GOLPH3L: variants seen among roughly 807,000 people sequenced by gnomAD.
The protein encoded by GOLPH3L is golgi phosphoprotein 3 like, also known as Golgi phosphoprotein 3-like.
Under a neutral mutation model 30.3 loss-of-function variants are expected in GOLPH3L, and 22 were observed. That is an observed-to-expected ratio of 0.73 (90% CI 0.52 to 1.04). GOLPH3L has a LOEUF of 1.04. GOLPH3L is among the 50% of genes least tolerant of loss of function. The pLI, the probability that GOLPH3L is intolerant of heterozygous loss-of-function variation, is 0.00. For synonymous variants in GOLPH3L, 120 were observed against 128.2 expected, an observed-to-expected ratio of 0.94 and a Z score of 0.43; for missense variants, 303 against 345.8, an observed-to-expected ratio of 0.88 and a Z score of 0.98.
intron 4 of GOLPH3L, among the ~76,000 whole-genome samples, chr1:150,655,742 G>A (rs1289804564): frequency 6.6e-6 from 1 of 152,166 alleles, no homozygotes; most frequent in Non-Finnish European, 1.5e-5. Flanking sequence ...TTTCCTCTTG[G>A]AATTCTCCAG....
chr1:150,667,626 C>G (rs1650539050), intron 2 of GOLPH3L, among the ~76,000 whole-genome samples: 1 of 145,202 alleles, frequency 6.9e-6, no homozygotes, highest in African/African-American at 2.6e-5. Flanking sequence ...CGGAGTCTCT[C>G]TCTGTCACCC....
intron 2 of GOLPH3L, among the ~76,000 whole-genome samples, chr1:150,675,261 GA>G (rs1010591901): frequency 8.6e-5 from 13 of 151,492 alleles, no homozygotes; most frequent in African/African-American, 2.7e-4. Context: ...GGTAAGTGTA[GA>G]TTTTTTTTTT....
intron 1 of GOLPH3L, among the ~76,000 whole-genome samples, chr1:150,695,944 T>C (rs1280820126): frequency 1.3e-5 from 2 of 152,180 alleles, no homozygotes; most frequent in African/African-American, 4.8e-5. Flanking sequence ...TTCTATGTAC[T>C]ACGGTCAAAA....
intron 4 of GOLPH3L, among the ~76,000 whole-genome samples, chr1:150,656,826 G>A (rs958097395): frequency 6.6e-6 from 1 of 152,072 alleles, no homozygotes; most frequent in African/African-American, 2.4e-5. Context: ...GGGTATTCTC[G>A]ATAATCATTT....
chr1:150,673,707 C>T (rs929464496), intron 2 of GOLPH3L, among the ~76,000 whole-genome samples: 1 of 151,816 alleles, frequency 6.6e-6, no homozygotes, highest in Non-Finnish European at 1.5e-5. Context: ...GGTGGGAGTA[C>T]TGCCTGAGCT....
chr1:150,655,821 A>C (rs896468227), intron 4 of GOLPH3L, among the ~76,000 whole-genome samples: 1 of 152,226 alleles, frequency 6.6e-6, no homozygotes, highest in Admixed American at 6.5e-5. Flanking sequence ...CAATTCAGTT[A>C]TACAACCTAT....
intron 1 of GOLPH3L, among the ~76,000 whole-genome samples, chr1:150,696,162 G>A (rs1415146): frequency 0.97 from 148,093 of 152,270 alleles, 72,129 homozygotes; most frequent in East Asian, 1. Context: ...ATTTCCCATT[G>A]CTCCTAATAA....
intron 2 of GOLPH3L, among the ~76,000 whole-genome samples, chr1:150,685,052 A>T (rs1264421422): frequency 6.6e-6 from 1 of 152,210 alleles, no homozygotes; most frequent in East Asian, 1.9e-4. Context: ...CAAACTTCTT[A>T]CTTGGACTTG....
At chr1:150,652,422 A>T (rs1571032616) in intron 4 of GOLPH3L, among the ~76,000 whole-genome samples, 1 of 150,480 alleles carries the variant, frequency 6.6e-6, no homozygotes, top group South Asian at 2.1e-4. Flanking sequence ...TAAAAAAAAC[A>T]AAACAAAAAT....
chr1:150,694,723 C>T lies in GOLPH3L; in HGVS notation c.116G>A (p.Gly39Glu), dbSNP rs187929207. The T allele has an allele frequency of 1.2e-4, 191 of 1,611,148 alleles. 1 individual carries two copies. The Admixed American group carries it at 2.6e-3, about 22-fold the overall frequency. ...WEKSPDNEDS[G>E]DSKDIRLTLM... Reference sequence around the variant, plus strand: ...AGTAAGGCGGATATCCTTAGAGTCTCCAGAATCTTCATTGTCTGGACTTTT... The same window carrying T: ...AGTAAGGCGGATATCCTTAGAGTCTTCAGAATCTTCATTGTCTGGACTTTT... The change falls in exon 2 of 5, where the codon GGA becomes GAA. Residue 39 changes from glycine (G) to glutamate (E), a missense_variant. By Grantham distance (98) the Gly-to-Glu change is moderately conservative. Transcript: ENST00000271732.
intron 2 of GOLPH3L, among the ~76,000 whole-genome samples, chr1:150,665,491 TATA>T (rs1650479049): frequency 6.6e-6 from 1 of 152,278 alleles, no homozygotes; most frequent in African/African-American, 2.4e-5. Flanking sequence ...TGCACCTAGC[TATA>T]ATAACTATTT....
intron 2 of GOLPH3L, among the ~76,000 whole-genome samples, chr1:150,682,464 TA>T (rs1158037739): frequency 1.3e-5 from 2 of 151,510 alleles, no homozygotes; most frequent in African/African-American, 4.9e-5. Context: ...CCCAGCTCTA[TA>T]AAAATTACAA....
rs1445887495 is a variant in GOLPH3L, at chr1:150,648,639, G to A, written c.540C>T (p.Phe180=). Residue 180 remains phenylalanine, a synonymous_variant, in exon 5 of 5, where the codon TTC becomes TTT. Coordinates refer to ENST00000271732, the MANE Select transcript of GOLPH3L (RefSeq NM_018178.6). ...KGILTTEKQN[F]LLFDMTTHPV... ...GATGAGTAGTCATGTCAAATAGCAG[G>A]AAATTCTGCTTCTCAGTGGTTAGAA... is the stretch of plus-strand genomic sequence containing the variant. 3.1e-6 allele frequency: 5 copies of A among 1,612,916 alleles called. No individual in the cohort carries two copies. Among genetic ancestry groups the A allele is most frequent in the Non-Finnish European group, 4.2e-6 (5 of 1,179,096 alleles).
At chr1:150,687,782 A>G (rs1487531083) in intron 2 of GOLPH3L, among the ~76,000 whole-genome samples, 4 of 152,184 alleles carry the variant, frequency 2.6e-5, no homozygotes, top group Non-Finnish European at 4.4e-5. Context: ...CGTATAGTGG[A>G]TAACAGTAGA....
intron 2 of GOLPH3L, among the ~76,000 whole-genome samples, chr1:150,689,968 G>T (rs1471713870): frequency 1.3e-5 from 2 of 151,136 alleles, no homozygotes; most frequent in Non-Finnish European, 3.0e-5. Flanking sequence ...ACCAGTCTGT[G>T]GTAGTTACCC....
chr1:150,665,344 A>G (rs1220789473), intron 2 of GOLPH3L, among the ~76,000 whole-genome samples: 4 of 151,402 alleles, frequency 2.6e-5, no homozygotes, highest in African/African-American at 7.3e-5. Flanking sequence ...TTTTTAAGAG[A>G]CAGGCGGGGT....
At chr1:150,694,576 T>C (rs1175202094) in intron 2 of GOLPH3L, 80 bp downstream of exon 2, 2 of 840,430 alleles carry the variant, frequency 2.4e-6, no homozygotes, top group Non-Finnish European at 3.6e-6. Context: ...TATTATTAAA[T>C]ATATTCCATT....
intron 2 of GOLPH3L, among the ~76,000 whole-genome samples, chr1:150,682,243 T>C (rs1650971688): frequency 6.6e-6 from 1 of 152,092 alleles, no homozygotes; most frequent in Admixed American, 6.6e-5. Context: ...AATGCATAGA[T>C]GTTAAGTTCA....
chr1:150,653,175 C>CAAAAAA (rs757485843), intron 4 of GOLPH3L, among the ~76,000 whole-genome samples: 3 of 76,254 alleles, frequency 3.9e-5, no homozygotes, highest in African/African-American at 9.3e-5. Context: ...GCCAAAAAAA[C>CAAAAAA]AAAAAAAAAA....
Sources: allele counts gnomAD v4.1 joint callset (sites outside exome capture counted in the v4.1 genomes callset), GRCh38; gene constraint gnomAD v4.1.1; transcripts MANE v1.5; gene names NCBI Gene and HGNC (gene_info 2026-07-23, HGNC 2026-07-21).